Variants in NLRC5 observed in about 807,000 individuals in gnomAD.
NLRC5 encodes the protein protein NLRC5.
In NLRC5, 114 loss-of-function variants were observed where a neutral mutation model predicts 206.9. That is an observed-to-expected ratio of 0.55 (90% CI 0.47 to 0.64). The LOEUF (loss-of-function observed/expected upper bound fraction) is 0.64, where lower values mean the gene tolerates loss of function less well. Ranked by LOEUF, NLRC5 falls within the 30% of genes least tolerant of loss-of-function variation. The pLI, the probability that NLRC5 is intolerant of heterozygous loss-of-function variation, is 0.00. For synonymous variants in NLRC5, 952 were observed against 962.8 expected, an observed-to-expected ratio of 0.99 and a Z score of 0.21; for missense variants, 2,008 against 2,305.5, an observed-to-expected ratio of 0.87 and a Z score of 2.64.
intron 30 of NLRC5, among the ~76,000 whole-genome samples, chr16:57,059,749 C>T (rs2066174929): frequency 6.6e-6 from 1 of 152,180 alleles, no homozygotes; most frequent in South Asian, 2.1e-4. Flanking sequence ...TCTTAGCCCA[C>T]CATCCTAAGC....
Position 57,036,246 on chromosome 16 carries a change from G to A in NLRC5, c.2711+63G>A, listed in dbSNP as rs749458090. The stretch of plus-strand genomic sequence containing the variant: ...CCCTGTAGAGCCCCAGGAGGTCCCC[G>A]TGTTCGTAATCAGCAGTAAGGGTGC... On this transcript the variant is annotated intron_variant, in intron 14 of 48. Transcript: ENST00000688547. 4.5e-4 allele frequency: 680 copies of A among 1,496,174 alleles called. 1 individual carries two copies. The highest frequency in any genetic ancestry group is 7.1e-4 in the South Asian group (61 of 86,158). 92.7% of individuals were successfully genotyped at this position (1,496,174 alleles called of 1,614,324 possible).
At chr16:57,062,140 A>C (rs562883985) in intron 32 of NLRC5, 1 of 849,506 alleles carries the variant, frequency 1.2e-6, no homozygotes, top group East Asian at 6.2e-5. Flanking sequence ...ATTTGCTTCT[A>C]TTTTTATTTT....
chr16:57,032,615 A>G (rs2062007335), intron 11 of NLRC5, among the ~76,000 whole-genome samples: 1 of 152,174 alleles, frequency 6.6e-6, no homozygotes, highest in Non-Finnish European at 1.5e-5. Flanking sequence ...CACATTAGCT[A>G]TATTTCAACT....
chr16:57,062,113 G>A lies in NLRC5; in HGVS notation c.4154+412G>A, dbSNP rs371328766. 124 of 1,100,586 alleles carry A rather than the reference G, an allele frequency of 1.1e-4. No homozygotes were observed. In the African/African-American group the frequency reaches 1.7e-3, roughly 15 times the overall value. The allele number at this position is 1,100,586 out of a possible 1,614,324, so 68.2% of individuals were successfully genotyped here. ...TTCCCAGAACCTAGGTTTGACAGTTGTTCATACTTTTTTTATATTTGCTTC... is the reference window on the plus strand; with the variant it reads ...TTCCCAGAACCTAGGTTTGACAGTTATTCATACTTTTTTTATATTTGCTTC... On this transcript the variant is annotated intron_variant, in intron 32 of 48. Transcript: ENST00000688547.
At chr16:57,034,087 TC>T (rs35660864) in intron 12 of NLRC5, 80 bp from the exon 13 acceptor site, 12 of 1,175,248 alleles carry the variant, frequency 1.0e-5, no homozygotes, top group African/African-American at 1.5e-5. Flanking sequence ...GCCCCCTGAC[TC>T]CCCCAGCATT....
At chr16:57,028,453 T>C (rs1378469107) in intron 8 of NLRC5, 68 bp downstream of exon 8, 48 of 1,265,478 alleles carry the variant, frequency 3.8e-5, no homozygotes, top group Non-Finnish European at 5.4e-5. Context: ...AGAGTCCCCC[T>C]GGGGCCTGCA....
intron 45 of NLRC5, 95 bp downstream of exon 45, chr16:57,079,387 G>C (rs2068843177): frequency 6.9e-7 from 1 of 1,457,348 alleles, no homozygotes. Flanking sequence ...CCTTTGAAGT[G>C]ATAGAAGCCC....
chr16:57,047,486 G>T, intron 22 of NLRC5, 59 bp from the exon 23 acceptor site: 1 of 1,444,102 alleles, frequency 6.9e-7, no homozygotes, highest in South Asian at 1.2e-5. Flanking sequence ...AGCCCCTGGG[G>T]CTAGCCAGGG....
intron 43 of NLRC5, 107 bp from the exon 44 acceptor site, chr16:57,078,943 G>A (rs569964035): frequency 2.0e-6 from 2 of 1,014,796 alleles, no homozygotes; most frequent in Non-Finnish European, 3.0e-6. Flanking sequence ...TGGGGAATTA[G>A]CCAGAGACTG....
At chr16:56,996,568 A>G (rs2142184415) in intron 1 of NLRC5, among the ~76,000 whole-genome samples, 1 of 152,276 alleles carries the variant, frequency 6.6e-6, no homozygotes, top group Middle Eastern at 3.4e-3. Context: ...TGGTTTCTAG[A>G]AAAGCTTTAA....
Position 57,036,100 on chromosome 16 carries a change from C to T in NLRC5, c.2628C>T (p.Asp876=). The change falls in exon 14 of 49, where the codon GAC becomes GAT. Residue 876 remains aspartate (D), a splice_region_variant and synonymous_variant. Coordinates refer to ENST00000688547, the MANE Select transcript of NLRC5 (RefSeq NM_001384950.1). ...LQEGPHLEEV[D]LSGNQLEDEG... ...CAGTGCATTGGGCCCCCCGTCTCAG[C>T]CTCTCAGGGAACCAGCTGGAAGATG... 3.1e-6 allele frequency: 5 copies of T among 1,613,466 alleles called. No individual in the cohort carries two copies. Among genetic ancestry groups the T allele is most frequent in the Non-Finnish European group, 4.2e-6 (5 of 1,179,924 alleles).
chr16:57,067,430 G>T lies in NLRC5; in HGVS notation c.4366G>T (p.Gly1456Trp). 6.2e-7 allele frequency: 1 copy of T among 1,614,166 alleles called. No individual in the cohort carries two copies. Among genetic ancestry groups the T allele is most frequent in the Non-Finnish European group, 8.5e-7 (1 of 1,180,036 alleles). ...DLGAHHSLLV[G>W]QLMETCARLQ... Reference sequence around the variant, plus strand: ...TGGAGCCCACCACAGCCTTCTTGTCGGGCAGCTGATGGAGACATGTGCCAG... The same window carrying T: ...TGGAGCCCACCACAGCCTTCTTGTCTGGCAGCTGATGGAGACATGTGCCAG... The change falls in exon 35 of 49, where the codon GGG becomes TGG. Residue 1456 changes from glycine (G) to tryptophan (W), a missense_variant. Transcript: ENST00000688547.
At position 57,067,808 on chromosome 16, in the gene NLRC5, C is replaced by T; in HGVS notation, c.4479C>T (p.Leu1493=). The T allele has an allele frequency of 6.2e-7, 1 of 1,614,108 alleles. No individual in the cohort carries two copies. ...SLLLQSLLLS[L]SELKTFRLTS... is the part of the protein sequence containing the mutation. ...TGCTGCAGAGCCTCCTGCTGTCCCTCTCTGAGCTGAAGACATTTCGGTATG... is the reference window on the plus strand; with the variant it reads ...TGCTGCAGAGCCTCCTGCTGTCCCTTTCTGAGCTGAAGACATTTCGGTATG... Residue 1493 remains leucine, a synonymous_variant, in exon 36 of 49, where the codon CTC becomes CTT. Coordinates refer to ENST00000688547, the MANE Select transcript of NLRC5 (RefSeq NM_001384950.1).
chr16:57,071,292 GCGTTGTGAGTGA>G (rs2067711852), intron 38 of NLRC5, among the ~76,000 whole-genome samples: 1 of 139,432 alleles, frequency 7.2e-6, no homozygotes, highest in Non-Finnish European at 1.5e-5. Flanking sequence ...TAATGGGGAA[GCGTTGTGAGTGA>G]GTGGTGATGG....
At chr16:57,053,368 G>A (rs1178905441) in intron 24 of NLRC5, among the ~76,000 whole-genome samples, 3 of 152,130 alleles carry the variant, frequency 2.0e-5, no homozygotes, top group Admixed American at 6.6e-5. Flanking sequence ...GGAACAGCGC[G>A]GAACCGAGAC....
Position 57,059,249 on chromosome 16 carries a change from G to A in NLRC5, c.3920+188G>A, listed in dbSNP as rs148940314. On this transcript the variant is annotated intron_variant, in intron 29 of 48. Transcript: ENST00000688547. ...TCATAATTTCTATCCCCTGATGCCC[G>A]GGTGCCATGGGGACCATGGAGGCCA... The A allele has an allele frequency of 3.5e-4, 518 of 1,472,630 alleles. 6 individuals are homozygous for A. In the East Asian group the frequency reaches 0.01, roughly 30 times the overall value. The allele number at this position is 1,472,630 out of a possible 1,614,324, so 91.2% of individuals were successfully genotyped here. A position where few individuals can be genotyped will look rare whatever the true frequency, so the allele number is the denominator to read the frequency against.
chr16:57,024,447 C>T (rs565417870), intron 5 of NLRC5, among the ~76,000 whole-genome samples: 128 of 152,334 alleles, frequency 8.4e-4, no homozygotes, highest in African/African-American at 2.3e-3. Context: ...GATTCACATC[C>T]GCTCAAAATA....
chr16:57,059,340 G>A, intron 29 of NLRC5, 127 bp from the exon 30 acceptor site: 4 of 1,485,806 alleles, frequency 2.7e-6, no homozygotes, highest in Non-Finnish European at 3.6e-6. Flanking sequence ...CTGGTTCTGA[G>A]GCCTCCATCC....
chr16:57,040,786 C>T (rs1337120393), intron 17 of NLRC5, 68 bp downstream of exon 17: 3 of 1,487,520 alleles, frequency 2.0e-6, no homozygotes, highest in Non-Finnish European at 1.9e-6. Flanking sequence ...AGAGCCTGCT[C>T]CCAAACCTGT....
Sources: gnomAD v4.1 joint callset for allele counts (sites outside exome capture counted in the v4.1 genomes callset) on GRCh38, gnomAD v4.1.1 for gene constraint, MANE v1.5 for transcripts, NCBI Gene and HGNC (gene_info 2026-07-23, HGNC 2026-07-21) for gene names.